Variants in COL4A5 observed in about 807,000 individuals in gnomAD.
COL4A5 encodes the protein collagen type IV alpha 5 chain, also known as collagen alpha-5(IV) chain.
COL4A5 carries 26 observed loss-of-function variants against 130.2 expected under a neutral mutation model. That is an observed-to-expected ratio of 0.20 (90% CI 0.15 to 0.28). The LOEUF (loss-of-function observed/expected upper bound fraction) is 0.28, where lower values mean the gene tolerates loss of function less well. Among genes scored for constraint, COL4A5 ranks in the 10% least tolerant of loss-of-function variants. The pLI is 1.00. For missense variants in COL4A5, 1,131 were observed against 1,344.3 expected (o/e 0.84, Z 2.48); for synonymous variants, 496 against 439.6 (o/e 1.13, Z -1.60).
intron 2 of COL4A5, among the ~76,000 whole-genome samples, chrX:108,551,908 A>C (rs1239955028): frequency 1.8e-5 from 2 of 112,352 alleles, no homozygotes; most frequent in Non-Finnish European, 3.8e-5. Context: ...CCTTTGCAGC[A>C]GCATGGATGC....
chrX:108,446,307 A>G (rs2064451515), intron 1 of COL4A5, among the ~76,000 whole-genome samples: 1 of 112,223 alleles, frequency 8.9e-6, no homozygotes, highest in Non-Finnish European at 1.9e-5. Context: ...ACTTGTATTT[A>G]TACACACTCC....
At chrX:108,458,890 G>A (rs2064612770) in intron 1 of COL4A5, among the ~76,000 whole-genome samples, 1 of 110,489 alleles carries the variant, frequency 9.1e-6, no homozygotes, top group Non-Finnish European at 1.9e-5. Context: ...TGAGGCAGGA[G>A]AATGGCGTGA....
At chrX:108,597,221 TG>T (rs1224206052) in intron 23 of COL4A5, among the ~76,000 whole-genome samples, 153 bp downstream of exon 23, 1 of 111,931 alleles carries the variant, frequency 8.9e-6, no homozygotes, top group Non-Finnish European at 1.9e-5. Context: ...CTGACTCACA[TG>T]CCTCACTTGA....
At chrX:108,639,682 C>T (rs1276969480) in intron 36 of COL4A5, among the ~76,000 whole-genome samples, 2 of 111,438 alleles carry the variant, frequency 1.8e-5, no homozygotes, top group African/African-American at 6.5e-5. Flanking sequence ...TCCTACAAGT[C>T]AATAACAAAA....
At chrX:108,585,847 GTAGGTATATATATTTAT>G (rs1245376756) in intron 18 of COL4A5, among the ~76,000 whole-genome samples, 1 of 111,039 alleles carries the variant, frequency 9.0e-6, no homozygotes, top group Non-Finnish European at 1.9e-5. Context: ...TTGGTATATA[GTAGGTATATATATTTAT>G]GGGGGAGTTT....
chrX:108,631,037 A>G (rs1036828094), intron 36 of COL4A5, among the ~76,000 whole-genome samples: 2 of 112,021 alleles, frequency 1.8e-5, no homozygotes, highest in Admixed American at 9.5e-5. Flanking sequence ...TACGAGTACC[A>G]TGCTGTTTTG....
chrX:108,458,804 C>A (rs752301217), intron 1 of COL4A5, among the ~76,000 whole-genome samples: 12 of 111,136 alleles, frequency 1.1e-4, no homozygotes, highest in African/African-American at 3.9e-4. Context: ...CACGGTGAAA[C>A]CCCACCTCTA....
chrX:108,527,574 G>A (rs1474016112), intron 1 of COL4A5, among the ~76,000 whole-genome samples: 1 of 111,953 alleles, frequency 8.9e-6, no homozygotes, highest in Non-Finnish European at 1.9e-5. Context: ...CTTTCCAGTG[G>A]CAGAGTCTCA....
At chrX:108,575,424 ATTAC>A (rs1048214001) in intron 9 of COL4A5, among the ~76,000 whole-genome samples, 1 of 112,305 alleles carries the variant, frequency 8.9e-6, no homozygotes, top group East Asian at 2.8e-4. Flanking sequence ...TTTTCTTATA[ATTAC>A]TTAATCCTTT....
intron 2 of COL4A5, among the ~76,000 whole-genome samples, chrX:108,546,835 T>C (rs1231266255): frequency 1.8e-5 from 2 of 111,721 alleles, no homozygotes; most frequent in Non-Finnish European, 3.8e-5. Context: ...TCTAAACTTC[T>C]CTTCTCACTT....
intron 26 of COL4A5, 65 bp downstream of exon 26, chrX:108,601,550 A>C (rs28497884): frequency 1.4e-6 from 1 of 721,949 alleles, no homozygotes; most frequent in Non-Finnish European, 2.1e-6. Context: ...TTTTTTTGAC[A>C]GAGTTTCGCT....
At chrX:108,504,684 A>G (rs1378475206) in intron 1 of COL4A5, among the ~76,000 whole-genome samples, 3 of 112,419 alleles carry the variant, frequency 2.7e-5, no homozygotes, top group East Asian at 2.8e-4. Flanking sequence ...TAAAACCACA[A>G]TGAAGTGCCA....
intron 37 of COL4A5, among the ~76,000 whole-genome samples, chrX:108,662,881 A>G (rs1279760699): frequency 8.9e-6 from 1 of 112,194 alleles, no homozygotes; most frequent in African/African-American, 3.2e-5. Flanking sequence ...TATGGAACCA[A>G]TAAAGAGCCC....
chrX:108,687,830 G>A (rs1018846636), intron 49 of COL4A5, 136 bp downstream of exon 49: 5 of 540,827 alleles, frequency 9.2e-6, no homozygotes, highest in African/African-American at 2.3e-5. Flanking sequence ...CCATGTCAAA[G>A]GCAACTGAAT....
rs1181815469 is a variant in COL4A5, at chrX:108,627,202, GTTATAT to G, written c.3246+862_3246+867del. ...CTTGAAGTGAATTTTAATTTTCTCT[GTTATAT>G]TTATATTTTACCAGTGACATTGAAT... On this transcript the variant is annotated intron_variant, in intron 36 of 52. Transcript: ENST00000328300. The G allele has an allele frequency of 5.9e-5, 36 of 614,360 alleles. No individual in the cohort carries two copies. In the African/African-American group the frequency reaches 8.5e-4, roughly 15 times the overall value. The allele number at this position is 614,360 out of a possible 1,213,427, so 50.6% of individuals were successfully genotyped here.
chrX:108,624,186 A>G lies in COL4A5; in HGVS notation c.2918-50A>G, dbSNP rs1452030770. 7 of 1,029,981 alleles carry G rather than the reference A, an allele frequency of 6.8e-6. No homozygotes were observed. The Admixed American group carries it at 1.1e-4, about 17-fold the overall frequency. 84.9% of individuals were successfully genotyped at this position (1,029,981 alleles called of 1,213,427 possible). On this transcript the variant is annotated intron_variant, in intron 33 of 52. Coordinates refer to ENST00000328300, the MANE Select transcript of COL4A5 (RefSeq NM_033380.3). The stretch of plus-strand genomic sequence containing the variant: ...TAGCTTGCTTTGCCAAAGTTATTTC[A>G]TGGATGAATAATATCATCCTAACTT...
intron 29 of COL4A5, among the ~76,000 whole-genome samples, chrX:108,610,884 A>T (rs760396481): frequency 1.4e-4 from 16 of 111,832 alleles, no homozygotes; most frequent in Non-Finnish European, 2.5e-4. Flanking sequence ...TACCTGAATC[A>T]GTAGAAGCTC....
intron 2 of COL4A5, among the ~76,000 whole-genome samples, chrX:108,548,212 C>T (rs1039790926): frequency 1.8e-5 from 2 of 112,043 alleles, no homozygotes; most frequent in Non-Finnish European, 3.8e-5. Flanking sequence ...ACGCTGGGAG[C>T]TGTAGACTGG....
chrX:108,515,930 T>A (rs2065216846), intron 1 of COL4A5, among the ~76,000 whole-genome samples: 2 of 111,855 alleles, frequency 1.8e-5, no homozygotes, highest in African/African-American at 6.5e-5. Flanking sequence ...GTTTTTGTGA[T>A]CCTACTAAAC....
Sources: gnomAD v4.1 joint callset for allele counts (sites outside exome capture counted in the v4.1 genomes callset) on GRCh38, gnomAD v4.1.1 for gene constraint, MANE v1.5 for transcripts, NCBI Gene and HGNC (gene_info 2026-07-23, HGNC 2026-07-21) for gene names.